Variants in DAP observed in about 807,000 individuals in gnomAD.
DAP encodes death associated protein, also known as death-associated protein 1.
In DAP, 8 loss-of-function variants were observed where a neutral mutation model predicts 13.8. The ratio of observed to expected loss-of-function variants is 0.58; its 90% CI spans 0.34 to 1.05. The LOEUF is 1.05. Ranked by LOEUF, DAP falls within the 50% of genes least tolerant of loss-of-function variation. DAP has a pLI of 0.03. For missense variants in DAP, 106 were observed against 133.2 expected (o/e 0.80, Z 1.01); for synonymous variants, 47 against 47.5 (o/e 0.99, Z 0.04).
chr5:10,698,071 T>C (rs2126643298), intron 2 of DAP, among the ~76,000 whole-genome samples: 1 of 152,130 alleles, frequency 6.6e-6, no homozygotes, highest in Middle Eastern at 3.4e-3. Context: ...ATTATGTCCT[T>C]AGTCCACCTT....
chr5:10,751,934 G>C (rs1740056712), intron 1 of DAP, among the ~76,000 whole-genome samples: 1 of 152,178 alleles, frequency 6.6e-6, no homozygotes, highest in African/African-American at 2.4e-5. Flanking sequence ...TGTTAAGGCA[G>C]GCCAAACCAA....
intron 2 of DAP, among the ~76,000 whole-genome samples, chr5:10,716,303 AG>A (rs1429372767): frequency 5.9e-5 from 9 of 152,214 alleles, no homozygotes; most frequent in African/African-American, 2.2e-4. Context: ...TATCGTGCAG[AG>A]TAAACTCCTT....
intron 1 of DAP, among the ~76,000 whole-genome samples, chr5:10,755,788 G>C (rs192534208): frequency 6.6e-6 from 1 of 152,332 alleles, no homozygotes; most frequent in Non-Finnish European, 1.5e-5. Context: ...AAGTAAGAAT[G>C]CACAGGGCAC....
At chr5:10,710,153 G>A (rs916899800) in intron 2 of DAP, among the ~76,000 whole-genome samples, 5 of 152,152 alleles carry the variant, frequency 3.3e-5, no homozygotes, top group African/African-American at 9.7e-5. Flanking sequence ...CCCTTCCCTC[G>A]GCTACAAAAC....
At chr5:10,689,524 A>C (rs3776415) in intron 2 of DAP, among the ~76,000 whole-genome samples, 33,925 of 152,112 alleles carry the variant, frequency 0.22, 3,933 homozygotes, top group Middle Eastern at 0.32. Flanking sequence ...GTCATGACTG[A>C]ATCTGCTGAG....
At chr5:10,699,047 G>A (rs1221466439) in intron 2 of DAP, among the ~76,000 whole-genome samples, 1 of 152,198 alleles carries the variant, frequency 6.6e-6, no homozygotes, top group Non-Finnish European at 1.5e-5. Context: ...GTTTGGGGGG[G>A]ATCTCAGCAT....
chr5:10,714,938 C>T (rs1579801039), intron 2 of DAP, among the ~76,000 whole-genome samples: 1 of 152,128 alleles, frequency 6.6e-6, no homozygotes, highest in Non-Finnish European at 1.5e-5. Context: ...GTTTCCTGTT[C>T]GGCCTGCAGA....
At chr5:10,743,723 T>C (rs1229300000) in intron 2 of DAP, among the ~76,000 whole-genome samples, 3 of 152,210 alleles carry the variant, frequency 2.0e-5, no homozygotes, top group African/African-American at 7.2e-5. Context: ...GACAAAAGGC[T>C]TGGAAACCAC....
At chr5:10,714,459 TA>T (rs888454615) in intron 2 of DAP, among the ~76,000 whole-genome samples, 8 of 152,108 alleles carry the variant, frequency 5.3e-5, no homozygotes, top group African/African-American at 1.2e-4. Flanking sequence ...TATTAAATCT[TA>T]AAAAAAATTA....
chr5:10,721,901 T>C (rs1234706885), intron 2 of DAP, among the ~76,000 whole-genome samples: 1 of 152,264 alleles, frequency 6.6e-6, no homozygotes, highest in Non-Finnish European at 1.5e-5. Context: ...TTTCCTTTAT[T>C]GTGTGACATA....
intron 2 of DAP, among the ~76,000 whole-genome samples, chr5:10,710,432 G>A (rs1237596512): frequency 6.6e-6 from 1 of 152,228 alleles, no homozygotes; most frequent in Non-Finnish European, 1.5e-5. Context: ...AGGCCTCCTG[G>A]GAAACGTGTC....
intron 2 of DAP, among the ~76,000 whole-genome samples, chr5:10,708,599 C>T (rs1422046818): frequency 6.6e-6 from 1 of 151,912 alleles, no homozygotes; most frequent in African/African-American, 2.4e-5. Context: ...CACCAACGGG[C>T]TATAGCGTAC....
chr5:10,710,533 G>C (rs1314461213), intron 2 of DAP, among the ~76,000 whole-genome samples: 2 of 152,238 alleles, frequency 1.3e-5, no homozygotes, highest in African/African-American at 2.4e-5. Context: ...GAGGTCAGGA[G>C]GCCTCTGGCA....
intron 1 of DAP, among the ~76,000 whole-genome samples, chr5:10,755,966 A>G (rs1191462072): frequency 1.3e-5 from 2 of 152,190 alleles, no homozygotes; most frequent in East Asian, 3.9e-4. Flanking sequence ...TGGACAACAT[A>G]GTAAAACCTT....
At position 10,699,823 on chromosome 5, in the gene DAP, C is replaced by T. The variant is rs79439427; in HGVS notation, c.153-16252G>A. Among the ~76,000 whole-genome samples the T allele has an allele frequency of 1.3e-4, 20 of 152,348 alleles. 2 individuals are homozygous for T. The East Asian group carries it at 3.7e-3, about 28-fold the overall frequency. ...ACGGCTCTCACTCCTTCCTGCTTCT[C>T]CCAAAGGTTCCCTGGGGTGTCCCCT... On this transcript the variant is annotated intron_variant, in intron 2 of 3. Transcript: ENST00000230895.
At position 10,686,904 on chromosome 5, in the gene DAP, G is replaced by A. The variant is rs190273851; in HGVS notation, c.153-3333C>T. ...ATCTAGGACTTACACAGCTAGAGAG[G>A]GAAGTCAATGACTGGTTTCAAAGCT... is the stretch of plus-strand genomic sequence containing the variant. On this transcript the variant is annotated intron_variant, in intron 2 of 3. Coordinates refer to ENST00000230895, the MANE Select transcript of DAP (RefSeq NM_004394.3). Among the ~76,000 whole-genome samples the A allele has an allele frequency of 8.5e-5, 13 of 152,284 alleles. No homozygotes were observed. The East Asian group carries it at 2.3e-3, about 27-fold the overall frequency.
chr5:10,757,212 C>G (rs1172470238), intron 1 of DAP, among the ~76,000 whole-genome samples: 2 of 152,112 alleles, frequency 1.3e-5, no homozygotes, highest in African/African-American at 4.8e-5. Context: ...AACAGCCTTT[C>G]CGGCCGCTCC....
chr5:10,687,697 AAC>A (rs1349617254), intron 2 of DAP, among the ~76,000 whole-genome samples: 3 of 152,182 alleles, frequency 2.0e-5, no homozygotes, highest in African/African-American at 4.8e-5. Flanking sequence ...AGATGCTGTA[AAC>A]ACTGAAAATA....
intron 2 of DAP, among the ~76,000 whole-genome samples, chr5:10,745,809 A>G (rs545415797): frequency 9.2e-5 from 14 of 152,272 alleles, no homozygotes; most frequent in African/African-American, 1.2e-4. Flanking sequence ...AGGCAAGGCG[A>G]TATCTCTTGC....
Sources: allele counts gnomAD v4.1 joint callset (sites outside exome capture counted in the v4.1 genomes callset), GRCh38; gene constraint gnomAD v4.1.1; transcripts MANE v1.5; gene names NCBI Gene and HGNC (gene_info 2026-07-23, HGNC 2026-07-21).